The following SCARB1 variants were observed in gnomAD, a reference collection of about 807,000 sequenced individuals.
SCARB1 encodes scavenger receptor class B member 1.
SCARB1 carries 30 observed loss-of-function variants against 57.2 expected under a neutral mutation model. The ratio of observed to expected loss-of-function variants is 0.52; its 90% CI spans 0.39 to 0.71. The LOEUF is 0.71. Ranked by LOEUF, SCARB1 falls within the 30% of genes least tolerant of loss-of-function variation. The pLI, the probability that SCARB1 is intolerant of heterozygous loss-of-function variation, is 0.00. For synonymous variants in SCARB1, 249 were observed against 268.3 expected (o/e 0.93, Z 0.70); for missense variants, 543 against 671.2 (o/e 0.81, Z 2.11).
At chr12:124,782,894 C>T (rs1388688207) in intron 11 of SCARB1, 83 bp from the exon 12 acceptor site, 1 of 1,443,144 alleles carries the variant, frequency 6.9e-7, no homozygotes, top group East Asian at 2.3e-5. Flanking sequence ...TTGCAAAAGG[C>T]AAAGAGGAAA....
At chr12:124,860,756 G>T (rs532725178) in intron 1 of SCARB1, among the ~76,000 whole-genome samples, 1 of 152,308 alleles carries the variant, frequency 6.6e-6, no homozygotes, top group East Asian at 1.9e-4. Context: ...CAGAGAAAAT[G>T]ATCAGTCAAT....
chr12:124,844,614 AGAG>A lies in SCARB1; in HGVS notation c.126+18978_126+18980del, dbSNP rs1412145491. 8.5e-5 allele frequency among the ~76,000 whole-genome samples: 13 copies of A among 152,110 alleles called. No homozygotes were observed. The East Asian group carries it at 1.4e-3, about 16-fold the overall frequency. On this transcript the variant is annotated intron_variant, in intron 1 of 12. Transcript: ENST00000261693. ...ATCCAATCTGACTGACGCCCTTAAA[AGAG>A]GAGATTAGGACCCGCAGAGAGTCAC... is the stretch of plus-strand genomic sequence containing the variant.
chr12:124,801,786 C>A (rs1044468466), intron 7 of SCARB1, among the ~76,000 whole-genome samples: 7 of 151,976 alleles, frequency 4.6e-5, no homozygotes, highest in Non-Finnish European at 1.0e-4. Flanking sequence ...TCGGAGGTTG[C>A]AGTAAGCCAA....
intron 1 of SCARB1, among the ~76,000 whole-genome samples, chr12:124,828,958 A>G (rs563677645): frequency 6.6e-6 from 1 of 152,096 alleles, no homozygotes; most frequent in African/African-American, 2.4e-5. Flanking sequence ...TACACTCTCA[A>G]TCCCAGGGCT....
At chr12:124,805,725 ATTTTT>A (rs755476758) in intron 7 of SCARB1, among the ~76,000 whole-genome samples, 3 of 79,570 alleles carry the variant, frequency 3.8e-5, no homozygotes, top group African/African-American at 1.4e-4. Context: ...TGCCTAGCTA[ATTTTT>A]TTTTTTTTTT....
intron 1 of SCARB1, among the ~76,000 whole-genome samples, chr12:124,834,927 G>A (rs573498214): frequency 3.9e-5 from 6 of 152,188 alleles, no homozygotes; most frequent in Admixed American, 6.5e-5. Flanking sequence ...AAAAAAGGCG[G>A]TCTCCAAACC....
intron 1 of SCARB1, among the ~76,000 whole-genome samples, chr12:124,825,970 T>C (rs943884870): frequency 6.6e-6 from 1 of 151,900 alleles, no homozygotes; most frequent in Non-Finnish European, 1.5e-5. Flanking sequence ...GTCTGGAGGT[T>C]GCATGCACAA....
At chr12:124,791,029 C>T (rs1949709389) in intron 9 of SCARB1, among the ~76,000 whole-genome samples, 1 of 152,214 alleles carries the variant, frequency 6.6e-6, no homozygotes, top group Non-Finnish European at 1.5e-5. Flanking sequence ...CAGTACCTGC[C>T]AGGCAGAGGG....
chr12:124,786,476 G>A lies in SCARB1; in HGVS notation c.1282C>T (p.His428Tyr). The change falls in exon 11 of 13, where the codon CAC becomes TAC. Residue 428 changes from histidine (H) to tyrosine (Y), a missense_variant. His to Tyr is a moderately conservative substitution (Grantham distance 83). Transcript: ENST00000261693. ...AACACCAGCTGAGTGTAGAATGTGT[G>A]AAGAGTCTCCCCCTCCATGGCCCCG... ...ESGAMEGETL[H>Y]TFYTQLVLMP... 6.2e-7 allele frequency: 1 copy of A among 1,614,136 alleles called. No individual in the cohort carries two copies.
intron 1 of SCARB1, among the ~76,000 whole-genome samples, chr12:124,847,635 G>A (rs1191207406): frequency 6.6e-6 from 1 of 152,244 alleles, no homozygotes; most frequent in Non-Finnish European, 1.5e-5. Context: ...GCAGAGGCTG[G>A]CCGAGGGCCG....
Position 124,863,859 on chromosome 12 carries a change from C to T in SCARB1, c.-139G>A. The T allele has an allele frequency of 1.8e-6, 2 of 1,114,808 alleles. No individual in the cohort carries two copies. The highest frequency in any genetic ancestry group is 3.3e-5 in the East Asian group (1 of 30,674). The allele number at this position is 1,114,808 out of a possible 1,614,324, so 69.1% of individuals were successfully genotyped here. On this transcript the variant is annotated 5_prime_UTR_variant, in exon 1 of 13. The change creates a new upstream start codon in the 5' untranslated region. Transcript: ENST00000261693. ...ACGGTGGATCCGGGACGGCAGCGCA[C>T]GCAGGAGCAGCCCGGCAGGTGGCCA... is the stretch of plus-strand genomic sequence containing the variant.
At chr12:124,834,074 C>T (rs987047937) in intron 1 of SCARB1, among the ~76,000 whole-genome samples, 1 of 152,196 alleles carries the variant, frequency 6.6e-6, no homozygotes, top group Non-Finnish European at 1.5e-5. Context: ...AAACACAAAC[C>T]GAGGCCCGCC....
rs757257821 is a variant in SCARB1, at chr12:124,807,257, C to T, written c.1009+504G>A. ...TTGTCCTGGGGTATCCAGGAGAGCA[C>T]GATGTGGTCTTAAGGGTCCTTAGAA... On this transcript the variant is annotated intron_variant, in intron 7 of 12. Transcript: ENST00000261693. This position sits in a 1 kb window ranked among gnomAD's most constrained non-coding sequence, Gnocchi z 5.3. 5.9e-5 allele frequency among the ~76,000 whole-genome samples: 9 copies of T among 151,790 alleles called. No homozygotes were observed. The highest frequency in any genetic ancestry group is 1.7e-4 in the African/African-American group (7 of 41,298).
Position 124,791,678 on chromosome 12 carries a change from C to T in SCARB1, c.1202+3517G>A, listed in dbSNP as rs534635513. Among the ~76,000 whole-genome samples, 134 of 152,228 alleles carry T rather than the reference C, an allele frequency of 8.8e-4. 1 individual carries two copies. The highest frequency in any genetic ancestry group is 2.9e-3 in the African/African-American group (122 of 41,526). On this transcript the variant is annotated intron_variant, in intron 9 of 12. Coordinates refer to ENST00000261693, the MANE Select transcript of SCARB1 (RefSeq NM_005505.5). Reference sequence around the variant, plus strand: ...AGGCTCAAATACCACAATCAGAGACCGGGCGCAGTGGCTCACGCCTGTAAT... The same window carrying T: ...AGGCTCAAATACCACAATCAGAGACTGGGCGCAGTGGCTCACGCCTGTAAT...
intron 1 of SCARB1, among the ~76,000 whole-genome samples, chr12:124,849,822 G>A (rs757031285): frequency 7.6e-4 from 116 of 152,202 alleles, no homozygotes; most frequent in Admixed American, 2.2e-3. Flanking sequence ...CAGCACTTTG[G>A]AAGACCAAGG....
intron 9 of SCARB1, among the ~76,000 whole-genome samples, chr12:124,793,070 T>C (rs1949788534): frequency 6.6e-6 from 1 of 152,000 alleles, no homozygotes; most frequent in Non-Finnish European, 1.5e-5. Flanking sequence ...ACAAATTCCC[T>C]AAGTGGCCTC....
At chr12:124,852,172 A>G (rs1279860087) in intron 1 of SCARB1, among the ~76,000 whole-genome samples, 2 of 152,124 alleles carry the variant, frequency 1.3e-5, no homozygotes, top group African/African-American at 4.8e-5. Context: ...AGCCCCGATG[A>G]CATCTTTATA....
intron 8 of SCARB1, among the ~76,000 whole-genome samples, chr12:124,798,891 A>T (rs1481305175): frequency 6.6e-6 from 1 of 151,914 alleles, no homozygotes; most frequent in Non-Finnish European, 1.5e-5. Context: ...CAGAGGGTAG[A>T]ATACTGGCTA....
intron 1 of SCARB1, among the ~76,000 whole-genome samples, chr12:124,846,887 C>T (rs995375933): frequency 1.8e-4 from 27 of 152,008 alleles, no homozygotes; most frequent in African/African-American, 6.5e-4. Flanking sequence ...TATGAAGTAA[C>T]ACCAGCAAGA....
Sources: allele counts gnomAD v4.1 joint callset (sites outside exome capture counted in the v4.1 genomes callset), GRCh38; gene constraint gnomAD v4.1.1; non-coding constraint Gnocchi (gnomAD v3.1); transcripts MANE v1.5; gene names NCBI Gene and HGNC (gene_info 2026-07-23, HGNC 2026-07-21).